The following DMXL1 variants were observed in gnomAD, a reference collection of about 807,000 sequenced individuals.
The protein encoded by DMXL1 is dmX-like protein 1.
A neutral mutation model predicts 319.2 loss-of-function variants in DMXL1; 99 were observed. The ratio of observed to expected loss-of-function variants is 0.31; its 90% CI spans 0.26 to 0.37. The LOEUF (loss-of-function observed/expected upper bound fraction) is 0.37, where lower values mean the gene tolerates loss of function less well. DMXL1 is among the 10% of genes least tolerant of loss of function. DMXL1 has a pLI of 1.00. For missense variants in DMXL1, 3,745 were observed against 3,595.6 expected (o/e 1.04, Z -1.06); for synonymous variants, 1,385 against 1,235.2 (o/e 1.12, Z -2.54).
At chr5:119,122,928 G>A (rs1035995341) in intron 9 of DMXL1, among the ~76,000 whole-genome samples, 5 of 152,182 alleles carry the variant, frequency 3.3e-5, no homozygotes, top group African/African-American at 4.8e-5. Context: ...CTGCAATCTC[G>A]GCACTTTGGG....
intron 1 of DMXL1, among the ~76,000 whole-genome samples, chr5:119,076,325 C>G (rs1467786959): frequency 1.3e-5 from 2 of 152,090 alleles, no homozygotes; most frequent in Middle Eastern, 6.9e-3. Flanking sequence ...TTGAGTTTAG[C>G]TCTGTTTTGT....
At chr5:119,090,868 C>T (rs1754641757) in intron 1 of DMXL1, among the ~76,000 whole-genome samples, 1 of 151,554 alleles carries the variant, frequency 6.6e-6, no homozygotes, top group African/African-American at 2.4e-5. Context: ...CCTGGCAGTC[C>T]TCTGTGTGTT....
intron 28 of DMXL1, chr5:119,178,704 TA>T (rs1288008376): frequency 1.0e-5 from 10 of 957,600 alleles, no homozygotes; most frequent in African/African-American, 1.8e-5. Context: ...ATATGAGCTT[TA>T]GAAATAGGCT....
At chr5:119,200,088 T>C (rs1009139962) in intron 32 of DMXL1, among the ~76,000 whole-genome samples, 1 of 152,222 alleles carries the variant, frequency 6.6e-6, no homozygotes, top group African/African-American at 2.4e-5. Context: ...TTAGATCCTA[T>C]TTGTCAATTT....
At chr5:119,197,645 C>CTT in intron 31 of DMXL1, 110 bp from the exon 32 acceptor site, 27 of 784,610 alleles carry the variant, frequency 3.4e-5, no homozygotes, top group Non-Finnish European at 4.2e-5. Context: ...TCATCTCAGT[C>CTT]TTTTTTTTTT....
intron 19 of DMXL1, among the ~76,000 whole-genome samples, chr5:119,154,279 T>C (rs1770508004): frequency 6.6e-6 from 1 of 152,246 alleles, no homozygotes; most frequent in Non-Finnish European, 1.5e-5. Flanking sequence ...GGAAGGCATG[T>C]TGAAAGCCGA....
At chr5:119,102,111 G>A (rs1757409212) in intron 3 of DMXL1, 105 bp downstream of exon 3, 1 of 596,236 alleles carries the variant, frequency 1.7e-6, no homozygotes, top group African/African-American at 1.9e-5. Context: ...CTTATATACT[G>A]TAATTGAACC....
At position 119,220,950 on chromosome 5, in the gene DMXL1, T is replaced by G. The variant is rs1784547780; in HGVS notation, c.8146T>G (p.Phe2716Val). ...IEVETKGSED[F>V]LVIHARDDLT... Reference sequence around the variant, plus strand: ...GACATTCCTTTATAGATCAGAAGATTTCTTGGTTATACATGCTCGTGATGA... The same window carrying G: ...GACATTCCTTTATAGATCAGAAGATGTCTTGGTTATACATGCTCGTGATGA... Residue 2716 changes from phenylalanine to valine, a missense_variant, in exon 37 of 44, where the codon TTC becomes GTC. Transcript: ENST00000539542. 1.2e-6 allele frequency: 2 copies of G among 1,613,184 alleles called. No individual in the cohort carries two copies. The highest frequency in any genetic ancestry group is 4.5e-5 in the East Asian group (2 of 44,846).
intron 37 of DMXL1, among the ~76,000 whole-genome samples, chr5:119,224,413 T>C (rs941908177): frequency 1.3e-5 from 2 of 152,052 alleles, no homozygotes; most frequent in African/African-American, 4.8e-5. Context: ...TTCAGGATTA[T>C]TACTGAATAA....
At chr5:119,235,088 G>C (rs565693082) in intron 39 of DMXL1, among the ~76,000 whole-genome samples, 12 of 152,164 alleles carry the variant, frequency 7.9e-5, no homozygotes, top group African/African-American at 2.4e-4. Flanking sequence ...ATCTCTTCTA[G>C]TAGGGAAGCC....
chr5:119,197,105 A>G (rs1779776699), intron 31 of DMXL1, among the ~76,000 whole-genome samples: 2 of 152,234 alleles, frequency 1.3e-5, no homozygotes, highest in South Asian at 4.1e-4. Flanking sequence ...CAGAACTGCT[A>G]AGTGCTGAGT....
At chr5:119,077,422 A>G (rs186884560) in intron 1 of DMXL1, among the ~76,000 whole-genome samples, 6 of 151,372 alleles carry the variant, frequency 4.0e-5, no homozygotes, top group Non-Finnish European at 1.5e-5. Flanking sequence ...CATCTGTAAA[A>G]CCAGTTTTAC....
chr5:119,119,700 G>C (rs1200693782), intron 8 of DMXL1, among the ~76,000 whole-genome samples: 2 of 151,940 alleles, frequency 1.3e-5, no homozygotes, highest in Non-Finnish European at 2.9e-5. Context: ...AGTAGGGAGA[G>C]GGCTTTACCA....
chr5:119,173,971 C>T (rs1775277335), intron 25 of DMXL1, among the ~76,000 whole-genome samples: 1 of 150,996 alleles, frequency 6.6e-6, no homozygotes, highest in South Asian at 2.1e-4. Flanking sequence ...GTCAGAAAGT[C>T]AGCAGGCTGA....
intron 9 of DMXL1, chr5:119,126,874 T>G (rs1174095951): frequency 6.1e-6 from 1 of 164,538 alleles, no homozygotes; most frequent in African/African-American, 2.4e-5. Context: ...GTGACGTTTT[T>G]CCTCTAATTC....
intron 33 of DMXL1, among the ~76,000 whole-genome samples, chr5:119,204,984 A>G (rs1026923712): frequency 3.3e-5 from 5 of 152,186 alleles, no homozygotes; most frequent in Admixed American, 6.5e-5. Context: ...TGGAAACTGT[A>G]TATGCTGTTA....
At chr5:119,151,901 A>T (rs1407226538) in intron 18 of DMXL1, 28 bp from the exon 19 acceptor site, 1 of 1,505,562 alleles carries the variant, frequency 6.6e-7, no homozygotes, top group Non-Finnish European at 9.2e-7. Context: ...TTTTTTTAAT[A>T]CATTGCTTCC....
intron 2 of DMXL1, among the ~76,000 whole-genome samples, chr5:119,101,378 A>G (rs968471180): frequency 2.6e-5 from 4 of 152,064 alleles, no homozygotes; most frequent in African/African-American, 9.6e-5. Flanking sequence ...GATGTTCTTT[A>G]TATGAGACTC....
intron 1 of DMXL1, among the ~76,000 whole-genome samples, chr5:119,092,039 C>T (rs1366380136): frequency 6.6e-6 from 1 of 152,166 alleles, no homozygotes; most frequent in Non-Finnish European, 1.5e-5. Flanking sequence ...CATAATCTCC[C>T]TTTTTCCAGT....
Sources: allele counts gnomAD v4.1 joint callset (sites outside exome capture counted in the v4.1 genomes callset), GRCh38; gene constraint gnomAD v4.1.1; transcripts MANE v1.5; gene names NCBI Gene and HGNC (gene_info 2026-07-23, HGNC 2026-07-21).